STAT1: variants seen among roughly 807,000 people sequenced by gnomAD.
The protein encoded by STAT1 is signal transducer and activator of transcription 1-alpha/beta.
In STAT1, 24 loss-of-function variants were observed where a neutral mutation model predicts 111.7. The observed-to-expected ratio is 0.21, with a 90% confidence interval of 0.16 to 0.30. The LOEUF (loss-of-function observed/expected upper bound fraction) is 0.30. Among genes scored for constraint, STAT1 ranks in the 10% least tolerant of loss-of-function variants. The pLI is 1.00. For missense variants in STAT1, 351 were observed against 911.9 expected (o/e 0.38, Z 7.92); for synonymous variants, 332 against 326.5 (o/e 1.02, Z -0.18).
rs1694715785 is a variant in STAT1, at chr2:191,006,527, A to T, written c.372+1036T>A. Among the ~76,000 whole-genome samples the T allele has an allele frequency of 6.6e-6, 1 of 152,072 alleles. No homozygotes were observed. The highest frequency in any genetic ancestry group is 2.4e-5 in the African/African-American group (1 of 41,402). ...GAATGGCATCCTCCACCACACCTAA[A>T]CTCCCTCCCTCTCCACTGTCACACA... is the stretch of plus-strand genomic sequence containing the variant. On this transcript the variant is annotated intron_variant, in intron 5 of 24. Coordinates refer to ENST00000361099, the MANE Select transcript of STAT1 (RefSeq NM_007315.4). The surrounding 1 kb of genome is among the most constrained non-coding windows in gnomAD (Gnocchi z 4.6).
chr2:191,006,002 G>C lies in STAT1; in HGVS notation c.372+1561C>G, dbSNP rs1415700654. ...GGTAAACCTTCAAGATCCAAAGCCAGGGGATGAGGTTCATGTGGGAGAGCA... is the reference window on the plus strand; with the variant it reads ...GGTAAACCTTCAAGATCCAAAGCCACGGGATGAGGTTCATGTGGGAGAGCA... On this transcript the variant is annotated intron_variant, in intron 5 of 24. Coordinates refer to ENST00000361099, the MANE Select transcript of STAT1 (RefSeq NM_007315.4). This position sits in a 1 kb window ranked among gnomAD's most constrained non-coding sequence, Gnocchi z 4.6. Among the ~76,000 whole-genome samples, 4 of 152,242 alleles carry C rather than the reference G, an allele frequency of 2.6e-5. No homozygotes were observed. Among genetic ancestry groups the C allele is most frequent in the African/African-American group, 9.6e-5 (4 of 41,466 alleles).
In STAT1 at chr2:190,996,921, G is replaced by A. The variant is rs1264137913; in HGVS notation, c.785+935C>T. 6.6e-6 allele frequency among the ~76,000 whole-genome samples: 1 copy of A among 152,144 alleles called. No individual in the cohort carries two copies. The highest frequency in any genetic ancestry group is 1.5e-5 in the Non-Finnish European group (1 of 68,012). On this transcript the variant is annotated intron_variant, in intron 9 of 24. Transcript: ENST00000361099. The surrounding 1 kb of genome is among the most constrained non-coding windows in gnomAD (Gnocchi z 4.5). ...GTCTCTATCCTATCCTCCAGGCTGT[G>A]GCCAGAGTGCCCTTTCTAAATCAAA...
chr2:190,986,657 A>G lies in STAT1; in HGVS notation c.1221+197T>C, dbSNP rs984152814. Among the ~76,000 whole-genome samples, 1 of 152,204 alleles carries G rather than the reference A, an allele frequency of 6.6e-6. No individual in the cohort carries two copies. The highest frequency in any genetic ancestry group is 2.4e-5 in the African/African-American group (1 of 41,442). The stretch of plus-strand genomic sequence containing the variant: ...TACTGCAAGTGATACAGCCCAGAAA[A>G]CAGAGTGAACAGTCGTGGGATAAGG... On this transcript the variant is annotated intron_variant, in intron 14 of 24. Coordinates refer to ENST00000361099, the MANE Select transcript of STAT1 (RefSeq NM_007315.4). The surrounding 1 kb of genome is among the most constrained non-coding windows in gnomAD (Gnocchi z 5.0).
chr2:191,009,330 C>T (rs1451969039), intron 3 of STAT1, among the ~76,000 whole-genome samples: 1 of 152,162 alleles, frequency 6.6e-6, no homozygotes, highest in African/African-American at 2.4e-5. Flanking sequence ...AGAGATTGTG[C>T]ATGACAGTGT....
chr2:190,972,737 T>C (rs1691592989), intron 24 of STAT1, among the ~76,000 whole-genome samples: 2 of 151,952 alleles, frequency 1.3e-5, no homozygotes, highest in African/African-American at 2.4e-5. Flanking sequence ...TCTTTTCTTT[T>C]TTTTTTTTTA....
chr2:190,993,314 T>C lies in STAT1; in HGVS notation c.944+1747A>G, dbSNP rs1693536963. On this transcript the variant is annotated intron_variant, in intron 10 of 24. Coordinates refer to ENST00000361099, the MANE Select transcript of STAT1 (RefSeq NM_007315.4). The surrounding 1 kb of genome is among the most constrained non-coding windows in gnomAD (Gnocchi z 4.1). Reference sequence around the variant, plus strand: ...CACATCATACACCACTAGGATGCCATTGGCTCCTCTGTAATAACTGGAGAT... The same window carrying C: ...CACATCATACACCACTAGGATGCCACTGGCTCCTCTGTAATAACTGGAGAT... 5.5e-6 allele frequency: 4 copies of C among 729,120 alleles called. No homozygotes were observed. The highest frequency in any genetic ancestry group is 2.5e-4 in the Middle Eastern group (1 of 4,052). The allele number at this position is 729,120 out of a possible 1,614,324, so 45.2% of individuals were successfully genotyped here.
At position 190,974,417 on chromosome 2, in the gene STAT1, G is replaced by C. The variant is rs1293041450; in HGVS notation, c.2238+413C>G. Among the ~76,000 whole-genome samples, 2 of 152,156 alleles carry C rather than the reference G, an allele frequency of 1.3e-5. No individual in the cohort carries two copies. Among genetic ancestry groups the C allele is most frequent in the African/African-American group, 4.8e-5 (2 of 41,424 alleles). On this transcript the variant is annotated intron_variant, in intron 24 of 24. Transcript: ENST00000361099. The surrounding 1 kb of genome is among the most constrained non-coding windows in gnomAD (Gnocchi z 4.8). The stretch of plus-strand genomic sequence containing the variant: ...TAAAGTATAATTCTCTCTAATTACT[G>C]TAACTACCAAGCGTTAGTCCCTCCC...
chr2:190,994,928 ATAT>A (rs563554647), intron 10 of STAT1, 130 bp downstream of exon 10: 1,321 of 111,478 alleles, frequency 0.012, 17 homozygotes, highest in Non-Finnish European at 0.016. Flanking sequence ...AAAAAAAAAA[ATAT>A]ATATATATAT....
Position 190,982,393 on chromosome 2 carries a change from C to G in STAT1, c.1572G>C (p.Glu524Asp). 1 of 1,614,186 alleles carries G rather than the reference C, an allele frequency of 6.2e-7. No individual in the cohort carries two copies. The highest frequency in any genetic ancestry group is 8.5e-7 in the Non-Finnish European group (1 of 1,180,022). ...LNVDQLNMLG[E>D]KLLGPNASPD... ...TTAATATGCATATACCAAGAAGCTT[C>G]TCTCCCAACATGTTCAGCTGGTCCA... is the stretch of plus-strand genomic sequence containing the variant. The change falls in exon 18 of 25, where the codon GAG (glutamate) becomes GAC (aspartate). Residue 524 changes from glutamate to aspartate, a missense_variant. This residue lies in a region of STAT1 where 181 missense variants were observed against 426.1 expected (regional missense o/e 0.42). Coordinates refer to ENST00000361099, the MANE Select transcript of STAT1 (RefSeq NM_007315.4). This position sits in a 1 kb window ranked among gnomAD's most constrained non-coding sequence, Gnocchi z 7.3.
At chr2:191,010,253 A>G (rs1021367225) in intron 2 of STAT1, 1 of 508,536 alleles carries the variant, frequency 2.0e-6, no homozygotes. Context: ...ATATCAGGGC[A>G]GCCTTCTCTG....
chr2:190,991,206 G>A (rs781476819), intron 11 of STAT1, 22 bp downstream of exon 11: 9 of 1,609,518 alleles, frequency 5.6e-6, no homozygotes, highest in Non-Finnish European at 7.7e-6. Context: ...TGATGTATGG[G>A]ATGCCATCTT....
intron 10 of STAT1, among the ~76,000 whole-genome samples, chr2:190,992,419 C>T (rs572406066): frequency 1.3e-5 from 2 of 151,968 alleles, no homozygotes; most frequent in African/African-American, 2.4e-5. Flanking sequence ...TAAACCAGCA[C>T]ACAAAGGTTT....
rs2066804 is a variant in STAT1, at chr2:190,977,033, G to T, written c.1874-8C>A. 6.2e-7 allele frequency: 1 copy of T among 1,613,674 alleles called. No homozygotes were observed. Among genetic ancestry groups the T allele is most frequent in the Non-Finnish European group, 8.5e-7 (1 of 1,179,844 alleles). On this transcript the variant is annotated splice_polypyrimidine_tract_variant and splice_region_variant and intron_variant, in intron 21 of 24. Transcript: ENST00000361099. This position sits in a 1 kb window ranked among gnomAD's most constrained non-coding sequence, Gnocchi z 4.7. ...CCGCATGGAAGTCAGGTTCTAAAAA[G>T]GAGAAAAGCTAAGTAAATCCCATAG...
chr2:190,981,623 G>A lies in STAT1; in HGVS notation c.1582+760C>T, dbSNP rs539780510. ...CACTGTGACAGCTGCATATCCAAGA[G>A]AAGAAGGCACTGTTGAAAGTCACTG... is the stretch of plus-strand genomic sequence containing the variant. On this transcript the variant is annotated intron_variant, in intron 18 of 24. Transcript: ENST00000361099. The surrounding 1 kb of genome is among the most constrained non-coding windows in gnomAD (Gnocchi z 4.1). Among the ~76,000 whole-genome samples, 11 of 152,254 alleles carry A rather than the reference G, an allele frequency of 7.2e-5. No homozygotes were observed. Among genetic ancestry groups the A allele is most frequent in the Non-Finnish European group, 1.5e-4 (10 of 68,042 alleles).
Position 190,970,918 on chromosome 2 carries a change from G to A in STAT1, c.2239-201C>T, listed in dbSNP as rs928861000. Among the ~76,000 whole-genome samples the A allele has an allele frequency of 2.0e-5, 3 of 152,206 alleles. No individual in the cohort carries two copies. The highest frequency in any genetic ancestry group is 7.2e-5 in the African/African-American group (3 of 41,450). On this transcript the variant is annotated intron_variant, in intron 24 of 24. Transcript: ENST00000361099. This position sits in a 1 kb window ranked among gnomAD's most constrained non-coding sequence, Gnocchi z 5.4. ...AATCAAGACCTTTTATATCACCTAA[G>A]CTGACGGATTATTACTCTGCTGCCC...
rs1307238632 is a variant in STAT1 at position 190,982,644 on chromosome 2, A to G, written c.1447-126T>C. ...TATGACACACAGGTGCTTTCACAGTAGGGGAAGAGAAATACAGTCAATTTT... is the reference window on the plus strand; with the variant it reads ...TATGACACACAGGTGCTTTCACAGTGGGGGAAGAGAAATACAGTCAATTTT... On this transcript the variant is annotated intron_variant, in intron 17 of 24. Transcript: ENST00000361099. This position sits in a 1 kb window ranked among gnomAD's most constrained non-coding sequence, Gnocchi z 7.3. 4.0e-6 allele frequency: 4 copies of G among 1,009,084 alleles called. No individual in the cohort carries two copies. 62.5% of individuals were successfully genotyped at this position (1,009,084 alleles called of 1,614,324 possible). A position where few individuals can be genotyped will look rare whatever the true frequency, so the allele number is the denominator to read the frequency against.
At chr2:191,002,190 C>G (rs1248100314) in intron 5 of STAT1, among the ~76,000 whole-genome samples, 1 of 152,162 alleles carries the variant, frequency 6.6e-6, no homozygotes, top group Admixed American at 6.5e-5. Flanking sequence ...TTCTCATGAT[C>G]AGAGTGAAGT....
rs1388945967 is a variant in STAT1 at position 190,991,210 on chromosome 2, C to T, written c.1037+18G>A. On this transcript the variant is annotated intron_variant, in intron 11 of 24. Coordinates refer to ENST00000361099, the MANE Select transcript of STAT1 (RefSeq NM_007315.4). ...TACGTGACAGGTGATGTATGGGATG[C>T]CATCTTTCCCTTGTTACCTCAACTT... 5.0e-6 allele frequency: 8 copies of T among 1,611,596 alleles called. No individual in the cohort carries two copies. Among genetic ancestry groups the T allele is most frequent in the Non-Finnish European group, 5.9e-6 (7 of 1,177,790 alleles).
At position 190,975,244 on chromosome 2, in the gene STAT1, A is replaced by C; in HGVS notation, c.2136-312T>G. The C allele has an allele frequency of 2.2e-6, 1 of 458,246 alleles. No individual in the cohort carries two copies. The highest frequency in any genetic ancestry group is 4.4e-6 in the Non-Finnish European group (1 of 229,656). 28.4% of individuals were successfully genotyped at this position (458,246 alleles called of 1,614,324 possible). A position where few individuals can be genotyped will look rare whatever the true frequency, so the allele number is the denominator to read the frequency against. On this transcript the variant is annotated intron_variant, in intron 23 of 24. Transcript: ENST00000361099. This position sits in a 1 kb window ranked among gnomAD's most constrained non-coding sequence, Gnocchi z 5.9. ...TGCGGTGCACTACCCTGAGATGACAATGCCTCGTGGCTTACCCTGGACAGA... is the reference window on the plus strand; with the variant it reads ...TGCGGTGCACTACCCTGAGATGACACTGCCTCGTGGCTTACCCTGGACAGA...
Sources: gnomAD v4.1 joint callset for allele counts (sites outside exome capture counted in the v4.1 genomes callset) on GRCh38, gnomAD v4.1.1 for gene constraint, gnomAD v4.1.1 regional missense constraint, Gnocchi (gnomAD v3.1) non-coding constraint, MANE v1.5 for transcripts, NCBI Gene and HGNC (gene_info 2026-07-23, HGNC 2026-07-21) for gene names.